The following BCR variants were observed in gnomAD, a reference collection of about 807,000 sequenced individuals.
BCR encodes BCR activator of RhoGEF and GTPase.
A neutral mutation model predicts 138.6 loss-of-function variants in BCR; 58 were observed. The ratio of observed to expected loss-of-function variants is 0.42; its 90% CI spans 0.34 to 0.52. The LOEUF (loss-of-function observed/expected upper bound fraction) is 0.52. Ranked by LOEUF, BCR falls within the 20% of genes least tolerant of loss-of-function variation. BCR has a pLI of 0.06. For synonymous variants in BCR, 786 were observed against 730.1 expected (o/e 1.08, Z -1.23); for missense variants, 1,599 against 1,727.2 (o/e 0.93, Z 1.32).
At chr22:23,298,504 G>T (rs977350633) in intron 16 of BCR, among the ~76,000 whole-genome samples, 1 of 152,054 alleles carries the variant, frequency 6.6e-6, no homozygotes, top group Admixed American at 6.5e-5. Flanking sequence ...TGGCCCAAAT[G>T]TGTTTCCTCA....
chr22:23,214,206 G>GTTT lies in BCR; in HGVS notation c.1279+31978_1279+31980dup, dbSNP rs11384313. Among the ~76,000 whole-genome samples the GTTT allele has an allele frequency of 2.4e-3, 328 of 138,364 alleles. 1 individual carries two copies. The highest frequency in any genetic ancestry group is 8.1e-3 in the African/African-American group (311 of 38,588). The allele number at this position is 138,364 out of a possible 152,430, so 90.8% of individuals were successfully genotyped here. ...TATCAGCTGGCTGGATGTTTGGTTT[G>GTTT]TTTTTTTTTTTTTGTGAGGGTTAAA... On this transcript the variant is annotated intron_variant, in intron 1 of 22. Coordinates refer to ENST00000305877, the MANE Select transcript of BCR (RefSeq NM_004327.4).
intron 16 of BCR, among the ~76,000 whole-genome samples, chr22:23,300,645 T>G (rs1247529725): frequency 6.6e-6 from 1 of 152,154 alleles, no homozygotes; most frequent in East Asian, 1.9e-4. Flanking sequence ...TGGACCTCAC[T>G]GCGTGGTGGG....
chr22:23,289,431 G>A, intron 12 of BCR, 86 bp from the exon 13 acceptor site: 1 of 1,152,912 alleles, frequency 8.7e-7, no homozygotes, highest in Admixed American at 1.8e-5. Context: ...CCCTTCCCCA[G>A]GGTGTGTGGT....
intron 21 of BCR, 35 bp from the exon 22 acceptor site, chr22:23,314,517 G>A (rs200782553): frequency 7.9e-5 from 127 of 1,611,128 alleles, no homozygotes; most frequent in African/African-American, 1.6e-4. Context: ...TGGGGGTGGC[G>A]TTGAAACAGC....
chr22:23,183,553 G>A (rs922790242), intron 1 of BCR, among the ~76,000 whole-genome samples: 14 of 152,208 alleles, frequency 9.2e-5, no homozygotes, highest in African/African-American at 3.4e-4. Flanking sequence ...CTATGTGGGG[G>A]CGGGGTGGAA....
chr22:23,303,806 C>G (rs2073928698), intron 16 of BCR, among the ~76,000 whole-genome samples: 1 of 152,076 alleles, frequency 6.6e-6, no homozygotes, highest in Non-Finnish European at 1.5e-5. Flanking sequence ...TTATTTTTAA[C>G]TTTTGTACCA....
chr22:23,225,930 A>ATTTC (rs1462097890), intron 1 of BCR, among the ~76,000 whole-genome samples: 3 of 152,104 alleles, frequency 2.0e-5, no homozygotes, highest in Non-Finnish European at 4.4e-5. Context: ...ACACTGTTTG[A>ATTTC]TTTCTTAAGG....
intron 1 of BCR, among the ~76,000 whole-genome samples, chr22:23,201,281 C>T (rs1437944612): frequency 2.6e-5 from 4 of 152,202 alleles, no homozygotes; most frequent in Non-Finnish European, 5.9e-5. Flanking sequence ...CCTGCTGGGG[C>T]TTGGGGTTCT....
intron 1 of BCR, among the ~76,000 whole-genome samples, chr22:23,203,802 C>T (rs1045161627): frequency 1.3e-5 from 2 of 152,232 alleles, no homozygotes; most frequent in South Asian, 2.1e-4. Context: ...TTCTGTGCAT[C>T]GTGAGTTAGG....
chr22:23,284,779 C>A (rs2073691489), intron 9 of BCR, among the ~76,000 whole-genome samples: 1 of 152,196 alleles, frequency 6.6e-6, no homozygotes, highest in Non-Finnish European at 1.5e-5. Context: ...ACCTTAGAGC[C>A]AGCTCAGGAC....
At chr22:23,213,893 C>T (rs533055090) in intron 1 of BCR, among the ~76,000 whole-genome samples, 15 of 151,396 alleles carry the variant, frequency 9.9e-5, no homozygotes, top group Admixed American at 2.6e-4. Flanking sequence ...GTTATCATTG[C>T]GAGAGGCAGA....
intron 1 of BCR, chr22:23,251,147 TC>T (rs2073223016): frequency 1.3e-5 from 2 of 152,314 alleles, no homozygotes; most frequent in Admixed American, 1.3e-4. Context: ...CCCAGCCTCT[TC>T]CTGGAATTCT....
At chr22:23,304,681 C>T (rs1198448585) in intron 16 of BCR, among the ~76,000 whole-genome samples, 1 of 152,102 alleles carries the variant, frequency 6.6e-6, no homozygotes, top group East Asian at 1.9e-4. Flanking sequence ...ATCTTACATC[C>T]CCAGTGGCCA....
intron 16 of BCR, among the ~76,000 whole-genome samples, chr22:23,301,962 CTT>C (rs752182119): frequency 6.6e-6 from 1 of 152,212 alleles, no homozygotes; most frequent in African/African-American, 2.4e-5. Flanking sequence ...GTCAGTGGCT[CTT>C]TTCTGGACTG....
chr22:23,277,698 C>G (rs1430584927), intron 8 of BCR, among the ~76,000 whole-genome samples: 1 of 152,186 alleles, frequency 6.6e-6, no homozygotes, highest in Non-Finnish European at 1.5e-5. Flanking sequence ...AGTCTGGCAT[C>G]GAGGAGAGGC....
intron 2 of BCR, chr22:23,254,570 C>T (rs1247321931): frequency 2.2e-6 from 1 of 455,058 alleles, no homozygotes; most frequent in Non-Finnish European, 4.3e-6. Flanking sequence ...TGGACCCACG[C>T]CCCCCCTCAC....
rs369488601 is a variant in BCR at position 23,181,175 on chromosome 22, G to C, written c.215G>C (p.Arg72Pro). The C allele has an allele frequency of 2.6e-4, 353 of 1,371,850 alleles. No individual in the cohort carries two copies. The highest frequency in any genetic ancestry group is 3.8e-4 in the Admixed American group (15 of 39,678). The allele number at this position is 1,371,850 out of a possible 1,614,324, so 85.0% of individuals were successfully genotyped here. Reference sequence around the variant, plus strand: ...GCCAAGGAAAAGAAGAGCTATGACCGGCAGCGATGGGGCTTCCGGCGCGCG... The same window carrying C: ...GCCAAGGAAAAGAAGAGCTATGACCCGCAGCGATGGGGCTTCCGGCGCGCG... ...LLAKEKKSYD[R>P]QRWGFRRAAQ... The change falls in exon 1 of 23, where the codon CGG (arginine) becomes CCG (proline). Residue 72 changes from arginine (R) to proline (P), a missense_variant. By Grantham distance (103) the Arg-to-Pro change is moderately radical. Coordinates refer to ENST00000305877, the MANE Select transcript of BCR (RefSeq NM_004327.4).
At chr22:23,224,578 C>A (rs1272266367) in intron 1 of BCR, among the ~76,000 whole-genome samples, 3 of 152,190 alleles carry the variant, frequency 2.0e-5, no homozygotes, top group Non-Finnish European at 4.4e-5. Context: ...GGAGGAAAGA[C>A]ACCCTCCAAA....
rs1297090248 is a variant in BCR at position 23,182,148 on chromosome 22, G to A, written c.1188G>A (p.Pro396=). 4 of 1,609,318 alleles carry A rather than the reference G, an allele frequency of 2.5e-6. No individual in the cohort carries two copies. The highest frequency in any genetic ancestry group is 3.4e-6 in the Non-Finnish European group (4 of 1,179,612). The change falls in exon 1 of 23, where the codon CCG becomes CCA. Residue 396 remains proline (P), a synonymous_variant. Transcript: ENST00000305877. ...GCCATAAGCGGCACCGGCACTGCCCGGTTGTCGTGTCCGAGGCCACCATCG... is the reference window on the plus strand; with the variant it reads ...GCCATAAGCGGCACCGGCACTGCCCAGTTGTCGTGTCCGAGGCCACCATCG... The part of the protein sequence containing the change: ...PQCHKRHRHC[P]VVVSEATIVG...
Sources: allele counts gnomAD v4.1 joint callset (sites outside exome capture counted in the v4.1 genomes callset), GRCh38; gene constraint gnomAD v4.1.1; transcripts MANE v1.5; gene names NCBI Gene and HGNC (gene_info 2026-07-23, HGNC 2026-07-21).